The following TMPRSS11F variants were observed in gnomAD, a reference collection of about 807,000 sequenced individuals.
The protein encoded by TMPRSS11F is transmembrane serine protease 11F.
A neutral mutation model predicts 60.2 loss-of-function variants in TMPRSS11F; 47 were observed. The ratio of observed to expected loss-of-function variants is 0.78; its 90% CI spans 0.62 to 1.00. TMPRSS11F has a LOEUF of 1.00. Ranked by LOEUF, TMPRSS11F falls within the 50% of genes least tolerant of loss-of-function variation. TMPRSS11F has a pLI of 0.00. For synonymous variants in TMPRSS11F, 166 were observed against 167.3 expected (o/e 0.99, Z 0.06); for missense variants, 519 against 522.9 (o/e 0.99, Z 0.07).
At chr4:68,093,741 C>T (rs1348925775) in intron 2 of TMPRSS11F, among the ~76,000 whole-genome samples, 1 of 151,810 alleles carries the variant, frequency 6.6e-6, no homozygotes, top group Non-Finnish European at 1.5e-5. Flanking sequence ...GGGCGAAGGA[C>T]ATGAACAGAC....
intron 3 of TMPRSS11F, among the ~76,000 whole-genome samples, chr4:68,084,384 G>A (rs1201351517): frequency 6.6e-6 from 1 of 152,066 alleles, no homozygotes; most frequent in South Asian, 2.1e-4. Context: ...CACCAAGGTC[G>A]CTGCAAAAGA....
intron 7 of TMPRSS11F, among the ~76,000 whole-genome samples, chr4:68,066,600 T>C (rs1258037391): frequency 6.6e-6 from 1 of 152,160 alleles, no homozygotes; most frequent in Non-Finnish European, 1.5e-5. Context: ...TTGTCTTAAA[T>C]ATGATTTTGA....
chr4:68,077,247 T>C (rs1317596110), intron 3 of TMPRSS11F: 1 of 152,230 alleles, frequency 6.6e-6, no homozygotes, highest in Non-Finnish European at 1.5e-5. Flanking sequence ...TCCCCAAGTA[T>C]TGATATGAAT....
chr4:68,112,636 T>A (rs1724429432), intron 1 of TMPRSS11F, among the ~76,000 whole-genome samples: 1 of 152,154 alleles, frequency 6.6e-6, no homozygotes, highest in African/African-American at 2.4e-5. Flanking sequence ...TTTGTATTGA[T>A]TCTAATATCA....
At chr4:68,115,092 G>T (rs557277027) in intron 1 of TMPRSS11F, among the ~76,000 whole-genome samples, 6 of 151,340 alleles carry the variant, frequency 4.0e-5, no homozygotes, top group Non-Finnish European at 8.8e-5. Context: ...GCTCACGCCT[G>T]TAATCCCAGC....
intron 1 of TMPRSS11F, among the ~76,000 whole-genome samples, chr4:68,128,427 A>C (rs1247361908): frequency 2.0e-5 from 3 of 152,082 alleles, no homozygotes; most frequent in African/African-American, 7.2e-5. Flanking sequence ...ATGTCAACTT[A>C]ATAATAAAAC....
intron 8 of TMPRSS11F, among the ~76,000 whole-genome samples, chr4:68,060,271 G>A (rs1223464992): frequency 6.6e-6 from 1 of 151,508 alleles, no homozygotes; most frequent in African/African-American, 2.4e-5. Flanking sequence ...ACTTTGGGAA[G>A]CGGAGGCGGG....
At chr4:68,067,541 C>T (rs942206906) in intron 7 of TMPRSS11F, among the ~76,000 whole-genome samples, 2 of 151,696 alleles carry the variant, frequency 1.3e-5, no homozygotes, top group African/African-American at 2.4e-5. Flanking sequence ...GACACTCTCA[C>T]AAAAACAGAA....
At chr4:68,121,821 T>C (rs995330227) in intron 1 of TMPRSS11F, among the ~76,000 whole-genome samples, 2 of 152,210 alleles carry the variant, frequency 1.3e-5, no homozygotes, top group African/African-American at 2.4e-5. Context: ...AAAATTAACA[T>C]GTCCCAGAAT....
At chr4:68,074,160 G>A in intron 3 of TMPRSS11F, 151 bp from the exon 4 acceptor site, 1 of 513,142 alleles carries the variant, frequency 1.9e-6, no homozygotes. Flanking sequence ...AAGATTTTCA[G>A]CTTATTCCCA....
chr4:68,111,232 C>T (rs1297791707), intron 1 of TMPRSS11F, among the ~76,000 whole-genome samples: 1 of 152,138 alleles, frequency 6.6e-6, no homozygotes, highest in Non-Finnish European at 1.5e-5. Flanking sequence ...TCACCCATCT[C>T]AGTTTTATAT....
At chr4:68,118,294 T>G (rs950387675) in intron 1 of TMPRSS11F, among the ~76,000 whole-genome samples, 1 of 152,226 alleles carries the variant, frequency 6.6e-6, no homozygotes, top group Admixed American at 6.5e-5. Context: ...ACTTAAACAT[T>G]AATTCCCATA....
chr4:68,060,101 T>G (rs369461912), intron 8 of TMPRSS11F, among the ~76,000 whole-genome samples: 4 of 152,182 alleles, frequency 2.6e-5, no homozygotes, highest in African/African-American at 9.6e-5. Flanking sequence ...CTGAGTTAGC[T>G]GTAAGAGACT....
In TMPRSS11F at chr4:68,110,215, T is replaced by C. The variant is rs115328391; in HGVS notation, c.12-11177A>G. Among the ~76,000 whole-genome samples the C allele has an allele frequency of 2.9e-3, 442 of 152,280 alleles. 3 individuals carry two copies. The highest frequency in any genetic ancestry group is 0.01 in the African/African-American group (423 of 41,564). On this transcript the variant is annotated intron_variant, in intron 1 of 9. Transcript: ENST00000356291. ...AACTAAGGTTAATGACCTTCCTTACTACACACATATACACACAGATACACA... is the reference window on the plus strand; with the variant it reads ...AACTAAGGTTAATGACCTTCCTTACCACACACATATACACACAGATACACA...
At chr4:68,128,959 G>A (rs939469921) in intron 1 of TMPRSS11F, among the ~76,000 whole-genome samples, 1 of 152,038 alleles carries the variant, frequency 6.6e-6, no homozygotes. Context: ...TAGGTTAATT[G>A]AAGACAAAAT....
chr4:68,068,922 G>A, intron 6 of TMPRSS11F, 103 bp from the exon 7 acceptor site: 1 of 1,190,000 alleles, frequency 8.4e-7, no homozygotes, highest in Non-Finnish European at 1.2e-6. Flanking sequence ...GCTACCATGT[G>A]AACCATTCAT....
intron 2 of TMPRSS11F, among the ~76,000 whole-genome samples, chr4:68,096,549 A>G (rs1022609174): frequency 2.0e-5 from 3 of 152,184 alleles, no homozygotes; most frequent in East Asian, 1.9e-4. Context: ...TTTCCCTTGT[A>G]TATATCTGAA....
At chr4:68,085,050 C>A (rs552970434) in intron 3 of TMPRSS11F, among the ~76,000 whole-genome samples, 4 of 129,224 alleles carry the variant, frequency 3.1e-5, no homozygotes, top group African/African-American at 8.7e-5. Context: ...CATGTCCCTA[C>A]AAAGGACATG....
intron 1 of TMPRSS11F, among the ~76,000 whole-genome samples, chr4:68,127,787 T>C (rs1724742198): frequency 6.6e-6 from 1 of 152,038 alleles, no homozygotes; most frequent in African/African-American, 2.4e-5. Context: ...ATACTTAAGA[T>C]ACAGAAAAAA....
Sources: gnomAD v4.1 joint callset for allele counts (sites outside exome capture counted in the v4.1 genomes callset) on GRCh38, gnomAD v4.1.1 for gene constraint, MANE v1.5 for transcripts, NCBI Gene and HGNC (gene_info 2026-07-23, HGNC 2026-07-21) for gene names.